Variants in EPHA8 observed in about 807,000 individuals in gnomAD.
EPHA8 encodes the protein EPH receptor A8.
In EPHA8, 58 loss-of-function variants were observed where a neutral mutation model predicts 103.6. That is an observed-to-expected ratio of 0.56 (90% CI 0.45 to 0.70). The LOEUF is 0.70. Among genes scored for constraint, EPHA8 ranks in the 30% least tolerant of loss-of-function variants. EPHA8 has a pLI of 0.00. For missense variants in EPHA8, 1,304 were observed against 1,395.2 expected (o/e 0.93, Z 1.04); for synonymous variants, 559 against 572.5 (o/e 0.98, Z 0.34).
At chr1:22,590,592 T>C (rs1178209209) in intron 5 of EPHA8, among the ~76,000 whole-genome samples, 2 of 152,134 alleles carry the variant, frequency 1.3e-5, no homozygotes, top group Non-Finnish European at 2.9e-5. Flanking sequence ...CCATTTTCCA[T>C]TGACCTGTGT....
At chr1:22,570,707 C>T (rs1020087016) in intron 2 of EPHA8, among the ~76,000 whole-genome samples, 1 of 152,224 alleles carries the variant, frequency 6.6e-6, no homozygotes, top group African/African-American at 2.4e-5. Context: ...ACCGGGCTCC[C>T]GGGAGCTGGG....
In EPHA8 at chr1:22,598,155, C is replaced by T; in HGVS notation, c.2121C>T (p.Arg707=). Reference sequence around the variant, plus strand: ...CTCTCCCTACTGCCCGCCCAGGCCGCCTGGCAATGATTGTGACTGAGTACA... The same window carrying T: ...CTCTCCCTACTGCCCGCCCAGGCCGTCTGGCAATGATTGTGACTGAGTACA... ...IRLEGVVTRG[R]LAMIVTEYME... is the part of the protein sequence containing the mutation. Residue 707 remains arginine, a synonymous_variant, in exon 12 of 17, where the codon CGC becomes CGT. Transcript: ENST00000166244. The surrounding 1 kb of genome is among the most constrained non-coding windows in gnomAD (Gnocchi z 5.1). 1 of 1,613,506 alleles carries T rather than the reference C, an allele frequency of 6.2e-7. No homozygotes were observed. Among genetic ancestry groups the T allele is most frequent in the Non-Finnish European group, 8.5e-7 (1 of 1,179,966 alleles).
At chr1:22,579,043 G>T (rs1216009119) in intron 3 of EPHA8, among the ~76,000 whole-genome samples, 1 of 145,416 alleles carries the variant, frequency 6.9e-6, no homozygotes, top group Non-Finnish European at 1.5e-5. Flanking sequence ...ATGCATGTGT[G>T]TGCATTTGTG....
chr1:22,576,586 A>G lies in EPHA8; in HGVS notation c.529A>G (p.Ser177Gly). The G allele has an allele frequency of 3.7e-6, 6 of 1,614,086 alleles. No homozygotes were observed. Among genetic ancestry groups the G allele is most frequent in the Non-Finnish European group, 5.1e-6 (6 of 1,180,044 alleles). The change falls in exon 3 of 17, where the codon AGC becomes GGC. Residue 177 changes from serine (S) to glycine (G), a missense_variant. Physicochemically the swap from Ser to Gly is moderately conservative, Grantham distance 56. Transcript: ENST00000166244. The surrounding 1 kb of genome is among the most constrained non-coding windows in gnomAD (Gnocchi z 4.8). ...NTEVRSVGPLSKRGFYLAFQD... is the reference protein window; with the variant it reads ...NTEVRSVGPLGKRGFYLAFQD... ...GGAGGTGCGCAGTGTGGGTCCCCTC[A>G]GCAAGCGCGGCTTCTACCTGGCCTT... is the stretch of plus-strand genomic sequence containing the variant.
chr1:22,580,020 C>T (rs1164556456), intron 3 of EPHA8, among the ~76,000 whole-genome samples: 2 of 151,950 alleles, frequency 1.3e-5, no homozygotes, highest in African/African-American at 4.8e-5. Flanking sequence ...CCAGCTGGCT[C>T]CACTTAGGAG....
chr1:22,582,467 A>G (rs1318115789), intron 3 of EPHA8, among the ~76,000 whole-genome samples: 1 of 152,188 alleles, frequency 6.6e-6, no homozygotes, highest in Non-Finnish European at 1.5e-5. Flanking sequence ...GCCTGGGATA[A>G]GGGACCCGCC....
At chr1:22,575,565 T>G (rs1323470802) in intron 2 of EPHA8, among the ~76,000 whole-genome samples, 1 of 152,192 alleles carries the variant, frequency 6.6e-6, no homozygotes, top group Non-Finnish European at 1.5e-5. Context: ...GTTGAGAGTG[T>G]CTGGTTTATT....
At chr1:22,573,824 A>C (rs1435923676) in intron 2 of EPHA8, among the ~76,000 whole-genome samples, 1 of 152,144 alleles carries the variant, frequency 6.6e-6, no homozygotes, top group Non-Finnish European at 1.5e-5. Flanking sequence ...GTCCTGCTTC[A>C]TTGCAGTGCC....
intron 3 of EPHA8, among the ~76,000 whole-genome samples, chr1:22,583,667 C>G (rs1267247351): frequency 6.6e-6 from 1 of 152,250 alleles, no homozygotes; most frequent in African/African-American, 2.4e-5. Context: ...TCATGCTTGC[C>G]ATCTCCCTCT....
chr1:22,589,493 C>T lies in EPHA8; in HGVS notation c.1315+287C>T, dbSNP rs1641319927. ...TTCCCTCTCTGTGCCTCAGTTTCCT[C>T]CCTGGTGCAATGGGAATAATAGTAC... On this transcript the variant is annotated intron_variant, in intron 5 of 16. Transcript: ENST00000166244. The surrounding 1 kb of genome is among the most constrained non-coding windows in gnomAD (Gnocchi z 4.3). The T allele has an allele frequency of 1.4e-6, 2 of 1,450,748 alleles. No individual in the cohort carries two copies. Among genetic ancestry groups the T allele is most frequent in the Non-Finnish European group, 1.8e-6 (2 of 1,108,636 alleles). 89.9% of individuals were successfully genotyped at this position (1,450,748 alleles called of 1,614,324 possible). A position where few individuals can be genotyped will look rare whatever the true frequency, so the allele number is the denominator to read the frequency against.
rs1172572081 is a variant in EPHA8, at chr1:22,597,473, T to C, written c.1927T>C (p.Ser643Pro). ...SRIHIEKIIG[S>P]GDSGEVCYGR... is the part of the protein sequence containing the mutation. Reference sequence around the variant, plus strand: ...GATCCACATCGAGAAAATCATCGGCTCTGGTGAGTCTCAGGGGTTGTGAGG... The same window carrying C: ...GATCCACATCGAGAAAATCATCGGCCCTGGTGAGTCTCAGGGGTTGTGAGG... The change falls in exon 10 of 17, where the codon TCT becomes CCT. Residue 643 changes from serine (S) to proline (P), a missense_variant. Physicochemically the swap from Ser to Pro is moderately conservative, Grantham distance 74. Coordinates refer to ENST00000166244, the MANE Select transcript of EPHA8 (RefSeq NM_020526.5). The surrounding 1 kb of genome is among the most constrained non-coding windows in gnomAD (Gnocchi z 4.6). 3 of 1,612,308 alleles carry C rather than the reference T, an allele frequency of 1.9e-6. No individual in the cohort carries two copies. The highest frequency in any genetic ancestry group is 2.2e-5 in the South Asian group (2 of 90,980).
intron 2 of EPHA8, among the ~76,000 whole-genome samples, chr1:22,575,409 G>T (rs896830622): frequency 3.9e-5 from 6 of 151,962 alleles, no homozygotes; most frequent in Non-Finnish European, 8.8e-5. Flanking sequence ...GTCTGTTCAA[G>T]TCCTTTGCCC....
At chr1:22,572,518 T>C (rs209741) in intron 2 of EPHA8, among the ~76,000 whole-genome samples, 71,906 of 152,172 alleles carry the variant, frequency 0.47, 18,358 homozygotes, top group African/African-American at 0.69. Flanking sequence ...AACTTCCGCA[T>C]GCTGGGACGT....
chr1:22,595,979 A>G, intron 8 of EPHA8, 127 bp from the exon 9 acceptor site: 3 of 765,826 alleles, frequency 3.9e-6, no homozygotes, highest in Non-Finnish European at 6.5e-6. Flanking sequence ...AGACTTTGTA[A>G]GGAGCAGGAG....
intron 5 of EPHA8, among the ~76,000 whole-genome samples, chr1:22,590,040 A>G (rs944547602): frequency 6.6e-6 from 1 of 152,220 alleles, no homozygotes; most frequent in Admixed American, 6.5e-5. Context: ...CAAGTGAAGC[A>G]GGTCCCCCCA....
At position 22,597,428 on chromosome 1, in the gene EPHA8, C is replaced by G. The variant is rs781568823; in HGVS notation, c.1882C>G (p.Arg628Gly). Residue 628 changes from arginine to glycine, a missense_variant, in exon 10 of 17, where the codon CGG becomes GGG. By Grantham distance (125) the Arg-to-Gly change is moderately radical (BLOSUM62 -2). Transcript: ENST00000166244. The surrounding 1 kb of genome is among the most constrained non-coding windows in gnomAD (Gnocchi z 4.6). Reference protein sequence around the residue: ...EPGRAGRSFTREIEASRIHIE... With the variant: ...EPGRAGRSFTGEIEASRIHIE... ...AGGCCGGGCGGGCCGCAGTTTCACT[C>G]GGGAGATCGAGGCCTCTAGGATCCA... 1.2e-6 allele frequency: 2 copies of G among 1,613,506 alleles called. No homozygotes were observed. Among genetic ancestry groups the G allele is most frequent in the South Asian group, 1.1e-5 (1 of 91,066 alleles).
chr1:22,581,155 G>A (rs550297986), intron 3 of EPHA8, among the ~76,000 whole-genome samples: 123 of 152,288 alleles, frequency 8.1e-4, no homozygotes, highest in African/African-American at 2.9e-3. Context: ...CTCAACTTAA[G>A]TAGCAGAGTA....
chr1:22,565,252 CAG>C (rs1640325304), intron 1 of EPHA8, among the ~76,000 whole-genome samples: 1 of 152,220 alleles, frequency 6.6e-6, no homozygotes, highest in South Asian at 2.1e-4. Flanking sequence ...CACACAGACA[CAG>C]ATAAAATCAT....
chr1:22,573,357 C>T (rs1457500682), intron 2 of EPHA8, among the ~76,000 whole-genome samples: 3 of 152,186 alleles, frequency 2.0e-5, no homozygotes, highest in Non-Finnish European at 2.9e-5. Context: ...CCCATTGCAT[C>T]CTCTCAAACC....
Sources: allele counts gnomAD v4.1 joint callset (sites outside exome capture counted in the v4.1 genomes callset), GRCh38; gene constraint gnomAD v4.1.1; non-coding constraint Gnocchi (gnomAD v3.1); transcripts MANE v1.5; gene names NCBI Gene and HGNC (gene_info 2026-07-23, HGNC 2026-07-21).